The following HHAT variants were observed in gnomAD, a reference collection of about 807,000 sequenced individuals.
The protein encoded by HHAT is protein-cysteine N-palmitoyltransferase HHAT.
In HHAT, 47 loss-of-function variants were observed where a neutral mutation model predicts 70.8. The ratio of observed to expected loss-of-function variants is 0.66; its 90% CI spans 0.53 to 0.85. The LOEUF (loss-of-function observed/expected upper bound fraction) is 0.85, where lower values mean the gene tolerates loss of function less well. Ranked by LOEUF, HHAT falls within the 40% of genes least tolerant of loss-of-function variation. The pLI is 0.00. For synonymous variants in HHAT, 228 were observed against 247.6 expected (o/e 0.92, Z 0.74); for missense variants, 609 against 604.8 (o/e 1.01, Z -0.07).
chr1:210,657,662 T>G (rs1676724165), intron 11 of HHAT, among the ~76,000 whole-genome samples: 1 of 152,240 alleles, frequency 6.6e-6, no homozygotes, highest in African/African-American at 2.4e-5. Flanking sequence ...TGACATCACC[T>G]TTGAGATGTT....
chr1:210,471,663 T>TGGC (rs1553386242), intron 8 of HHAT, among the ~76,000 whole-genome samples: 5 of 152,004 alleles, frequency 3.3e-5, no homozygotes, highest in Non-Finnish European at 5.9e-5. Flanking sequence ...ATAACAGCAA[T>TGGC]AGCAGCAGCA....
In HHAT at chr1:210,526,531, A is replaced by G. The variant is rs113142500; in HGVS notation, c.1043+13343A>G. On this transcript the variant is annotated intron_variant, in intron 9 of 11. Transcript: ENST00000261458. ...AATTAGAGCTATTTTTGCATCAGTA[A>G]CAGAAGCAGCCTGTGGAATGGAAAA... is the stretch of plus-strand genomic sequence containing the variant. 8.4e-3 allele frequency among the ~76,000 whole-genome samples: 1,274 copies of G among 152,154 alleles called. 7 individuals carry two copies. The highest frequency in any genetic ancestry group is 0.02 in the Middle Eastern group (6 of 294).
chr1:210,559,724 A>T (rs2095604188), intron 9 of HHAT, among the ~76,000 whole-genome samples: 1 of 152,162 alleles, frequency 6.6e-6, no homozygotes, highest in Non-Finnish European at 1.5e-5. Context: ...TTGTGACAAT[A>T]TGCTGGCTGC....
chr1:210,581,684 G>C (rs1659294940), intron 9 of HHAT, among the ~76,000 whole-genome samples: 1 of 152,210 alleles, frequency 6.6e-6, no homozygotes, highest in African/African-American at 2.4e-5. Flanking sequence ...ACAAAGTGTG[G>C]AGAAACTTCA....
intron 11 of HHAT, among the ~76,000 whole-genome samples, chr1:210,637,591 G>A (rs1222151224): frequency 1.3e-5 from 2 of 152,178 alleles, no homozygotes; most frequent in East Asian, 3.8e-4. Context: ...ACCGGGCATG[G>A]TGGCTCACAC....
At chr1:210,449,810 T>C (rs934324131) in intron 7 of HHAT, among the ~76,000 whole-genome samples, 4 of 152,168 alleles carry the variant, frequency 2.6e-5, no homozygotes, top group African/African-American at 9.7e-5. Flanking sequence ...TCACATCAGT[T>C]CATCAAAGTT....
In HHAT at chr1:210,669,791, G is replaced by A. The variant is rs1423770599; in HGVS notation, c.1391-4497G>A. ...CAGCCCTAAAGTACACTCTTAAGAAGGATATTTTCCTTTGACCAATAGCAT... is the reference window on the plus strand; with the variant it reads ...CAGCCCTAAAGTACACTCTTAAGAAAGATATTTTCCTTTGACCAATAGCAT... On this transcript the variant is annotated intron_variant, in intron 11 of 11. Transcript: ENST00000261458. 2.6e-5 allele frequency among the ~76,000 whole-genome samples: 4 copies of A among 152,214 alleles called. 1 individual carries two copies. The highest frequency in any genetic ancestry group is 2.0e-4 in the Admixed American group (3 of 15,284).
intron 7 of HHAT, among the ~76,000 whole-genome samples, chr1:210,425,546 A>G (rs1435149833): frequency 1.3e-5 from 2 of 152,066 alleles, no homozygotes. Flanking sequence ...GTCCAGTTTT[A>G]GTCTTCTGCA....
chr1:210,387,138 AAAT>A (rs1202620268), intron 3 of HHAT, among the ~76,000 whole-genome samples: 1 of 152,134 alleles, frequency 6.6e-6, no homozygotes, highest in Non-Finnish European at 1.5e-5. Context: ...TGCAAAATGG[AAAT>A]AATAATAGCA....
intron 11 of HHAT, among the ~76,000 whole-genome samples, chr1:210,652,877 G>T (rs1403557877): frequency 6.6e-6 from 1 of 152,210 alleles, no homozygotes; most frequent in Non-Finnish European, 1.5e-5. Flanking sequence ...TCCTGTAGAA[G>T]TATAAAGTGC....
chr1:210,492,409 A>G (rs2094566296), intron 8 of HHAT, among the ~76,000 whole-genome samples: 1 of 152,142 alleles, frequency 6.6e-6, no homozygotes, highest in Non-Finnish European at 1.5e-5. Context: ...CTGCCTGTAT[A>G]TTGTGTGCTC....
At chr1:210,615,707 G>T (rs1458344357) in intron 10 of HHAT, among the ~76,000 whole-genome samples, 3 of 152,274 alleles carry the variant, frequency 2.0e-5, no homozygotes, top group Non-Finnish European at 4.4e-5. Context: ...GTCCACTCCA[G>T]ACCCTGTTTG....
intron 7 of HHAT, among the ~76,000 whole-genome samples, chr1:210,438,178 G>GTA (rs1316253485): frequency 6.6e-6 from 1 of 151,572 alleles, no homozygotes; most frequent in African/African-American, 2.4e-5. Context: ...CCGTGTTTGT[G>GTA]TGTGTGTGTG....
At chr1:210,580,649 T>C (rs559341735) in intron 9 of HHAT, among the ~76,000 whole-genome samples, 5 of 152,088 alleles carry the variant, frequency 3.3e-5, no homozygotes, top group Non-Finnish European at 7.4e-5. Context: ...TTCATCCATG[T>C]CCCTGCAAAG....
chr1:210,561,688 G>A (rs115809484), intron 9 of HHAT, among the ~76,000 whole-genome samples: 9,098 of 152,064 alleles, frequency 0.06, 868 homozygotes, highest in African/African-American at 0.2. Context: ...ATATTTATGG[G>A]GTATAATGTG....
intron 9 of HHAT, among the ~76,000 whole-genome samples, chr1:210,567,070 A>G (rs1654942381): frequency 6.6e-6 from 1 of 152,118 alleles, no homozygotes; most frequent in Non-Finnish European, 1.5e-5. Context: ...CCCCCCCTCC[A>G]ATAAGGGGTT....
At chr1:210,355,753 A>G (rs2087543401) in intron 2 of HHAT, among the ~76,000 whole-genome samples, 1 of 152,212 alleles carries the variant, frequency 6.6e-6, no homozygotes, top group Non-Finnish European at 1.5e-5. Flanking sequence ...CTGTTAAAGT[A>G]GTATATGAAA....
intron 9 of HHAT, among the ~76,000 whole-genome samples, chr1:210,522,488 G>GGA (rs75485669): frequency 0.066 from 10,002 of 152,214 alleles, 888 homozygotes; most frequent in East Asian, 0.32. Context: ...GCAGGGTGCT[G>GGA]GAGAGAAGTC....
At chr1:210,569,449 C>A (rs1558182320) in intron 9 of HHAT, among the ~76,000 whole-genome samples, 1 of 148,088 alleles carries the variant, frequency 6.8e-6, no homozygotes, top group African/African-American at 2.5e-5. Context: ...TTGAGAAAGG[C>A]TCATTTCATT....
Sources: allele counts gnomAD v4.1 joint callset (sites outside exome capture counted in the v4.1 genomes callset), GRCh38; gene constraint gnomAD v4.1.1; transcripts MANE v1.5; gene names NCBI Gene and HGNC (gene_info 2026-07-23, HGNC 2026-07-21).